The following DIAPH2 variants were observed in gnomAD, a reference collection of about 807,000 sequenced individuals.
DIAPH2 encodes protein diaphanous homolog 2.
Under a neutral mutation model 92.7 loss-of-function variants are expected in DIAPH2, and 35 were observed. The ratio of observed to expected loss-of-function variants is 0.38; its 90% CI spans 0.29 to 0.50. The LOEUF (loss-of-function observed/expected upper bound fraction) is 0.50, where lower values mean the gene tolerates loss of function less well. DIAPH2 is among the 20% of genes least tolerant of loss of function. The pLI is 0.94. For missense variants in DIAPH2, 701 were observed against 819.5 expected, an observed-to-expected ratio of 0.86 and a Z score of 1.77; for synonymous variants, 301 against 280.4, an observed-to-expected ratio of 1.07 and a Z score of -0.73.
chrX:96,712,022 C>T (rs759315348), intron 1 of DIAPH2, among the ~76,000 whole-genome samples: 84 of 111,402 alleles, frequency 7.5e-4, no homozygotes, highest in Non-Finnish European at 1.3e-3. Flanking sequence ...TTGAACTGTA[C>T]TAAATAAGCA....
chrX:96,813,712 A>G (rs758010073), intron 4 of DIAPH2, among the ~76,000 whole-genome samples: 3 of 111,751 alleles, frequency 2.7e-5, no homozygotes, highest in Non-Finnish European at 5.6e-5. Context: ...CTTGTAAGGC[A>G]GGCCTGGTGG....
chrX:97,105,901 AT>A (rs998402355), intron 20 of DIAPH2, among the ~76,000 whole-genome samples: 7 of 111,624 alleles, frequency 6.3e-5, no homozygotes, highest in Non-Finnish European at 1.1e-4. Flanking sequence ...GCACATTTAA[AT>A]TTTTTTTACA....
At chrX:97,554,151 C>T (rs1489520152) in intron 26 of DIAPH2, among the ~76,000 whole-genome samples, 1 of 111,516 alleles carries the variant, frequency 9.0e-6, no homozygotes, top group African/African-American at 3.3e-5. Flanking sequence ...GCTAGAACAG[C>T]AAAGTCAGCC....
At chrX:96,771,616 G>A (rs759495553) in intron 4 of DIAPH2, among the ~76,000 whole-genome samples, 2 of 111,456 alleles carry the variant, frequency 1.8e-5, no homozygotes, top group Non-Finnish European at 3.8e-5. Flanking sequence ...AAAATTTGCT[G>A]TTGCCATTAT....
chrX:97,297,075 CCTTTTTTTTTTTTTTTT>C (rs1210596572), intron 23 of DIAPH2, among the ~76,000 whole-genome samples: 3 of 75,131 alleles, frequency 4.0e-5, no homozygotes, highest in Non-Finnish European at 7.1e-5. Flanking sequence ...CCAGGCCTGG[CCTTTTTTTTTTTTTTTT>C]TTTTTTTTTT....
In DIAPH2 at chrX:97,119,187, T is replaced by G. The variant is rs145046167; in HGVS notation, c.2589+4222T>G. On this transcript the variant is annotated intron_variant, in intron 21 of 26. Coordinates refer to ENST00000324765, the MANE Select transcript of DIAPH2 (RefSeq NM_006729.5). Reference sequence around the variant, plus strand: ...GGTTCCTTCTCATTTGGGTAGGCTCTGTCAGAGGGAAAATCTAGGGCTGAA... The same window carrying G: ...GGTTCCTTCTCATTTGGGTAGGCTCGGTCAGAGGGAAAATCTAGGGCTGAA... Among the ~76,000 whole-genome samples, 380 of 111,228 alleles carry G rather than the reference T, an allele frequency of 3.4e-3. 1 individual carries two copies. Among genetic ancestry groups the G allele is most frequent in the African/African-American group, 0.012 (370 of 30,518 alleles).
At chrX:96,931,929 T>C (rs2065622083) in intron 10 of DIAPH2, among the ~76,000 whole-genome samples, 1 of 111,416 alleles carries the variant, frequency 9.0e-6, no homozygotes, top group South Asian at 3.8e-4. Flanking sequence ...AACCAAGGCA[T>C]TGGTTGCAGA....
chrX:97,438,127 A>C (rs1490162969), intron 26 of DIAPH2, among the ~76,000 whole-genome samples: 1 of 107,043 alleles, frequency 9.3e-6, no homozygotes, highest in Non-Finnish European at 1.9e-5. Flanking sequence ...TCTTTAAAAA[A>C]AAAAAAAAAG....
In DIAPH2 at chrX:97,368,968, C is replaced by T. The variant is rs751341983; in HGVS notation, c.3010-14941C>T. Among the ~76,000 whole-genome samples the T allele has an allele frequency of 1.7e-3, 147 of 85,937 alleles. 1 individual carries two copies. The highest frequency in any genetic ancestry group is 8.2e-3 in the South Asian group (11 of 1,349). The allele number at this position is 85,937 out of a possible 115,157, so 74.6% of individuals were successfully genotyped here. On this transcript the variant is annotated intron_variant, in intron 24 of 26. Transcript: ENST00000324765. Reference sequence around the variant, plus strand: ...TTGCCCAGACTGGAGTGCAATGGCACGATCTTGGCTCACTGCACAACCTCC... The same window carrying T: ...TTGCCCAGACTGGAGTGCAATGGCATGATCTTGGCTCACTGCACAACCTCC...
intron 25 of DIAPH2, among the ~76,000 whole-genome samples, chrX:97,403,069 C>A (rs895701391): frequency 8.9e-6 from 1 of 111,772 alleles, no homozygotes; most frequent in African/African-American, 3.3e-5. Context: ...GTGTGAGGCC[C>A]TTCTGAGAGC....
intron 17 of DIAPH2, among the ~76,000 whole-genome samples, chrX:97,057,697 G>A (rs2066567083): frequency 8.9e-6 from 1 of 112,039 alleles, no homozygotes; most frequent in African/African-American, 3.2e-5. Flanking sequence ...ATCCTCATTA[G>A]CAGTTTGTTA....
chrX:97,059,158 A>C (rs2066579062), intron 17 of DIAPH2, among the ~76,000 whole-genome samples: 1 of 111,932 alleles, frequency 8.9e-6, no homozygotes, highest in Non-Finnish European at 1.9e-5. Context: ...AAAATCACTT[A>C]AAATTAGAAA....
At chrX:96,963,040 C>T (rs907081886) in intron 16 of DIAPH2, among the ~76,000 whole-genome samples, 2 of 111,913 alleles carry the variant, frequency 1.8e-5, no homozygotes, top group African/African-American at 6.5e-5. Flanking sequence ...TGAATTCCCT[C>T]AGTTTTTGCG....
At chrX:97,317,349 G>T (rs1275346443) in intron 23 of DIAPH2, among the ~76,000 whole-genome samples, 1 of 111,726 alleles carries the variant, frequency 9.0e-6, no homozygotes, top group African/African-American at 3.2e-5. Flanking sequence ...AACGGTGCAA[G>T]GACATTTTTT....
intron 4 of DIAPH2, among the ~76,000 whole-genome samples, chrX:96,818,191 G>A (rs2064753374): frequency 9.8e-6 from 1 of 102,439 alleles, no homozygotes; most frequent in Non-Finnish European, 2.0e-5. Flanking sequence ...GTGTTGGCCG[G>A]GATGGTCACG....
In DIAPH2 at chrX:97,600,126, T is replaced by C. The variant is rs2071584000; in HGVS notation, c.*809T>C. The C allele has an allele frequency of 8.9e-6, 1 of 112,410 alleles. No individual in the cohort carries two copies. The highest frequency in any genetic ancestry group is 1.9e-5 in the Non-Finnish European group (1 of 53,032). 9.3% of individuals were successfully genotyped at this position (112,410 alleles called of 1,213,427 possible). A position where few individuals can be genotyped will look rare whatever the true frequency, so the allele number is the denominator to read the frequency against. ...CTATTTTTGAGAAAACCCTCACATT[T>C]TAATGTTTATGCTAGGGATGAACCT... On this transcript the variant is annotated 3_prime_UTR_variant, in exon 27 of 27. Transcript: ENST00000324765.
chrX:97,522,626 A>G (rs2070998646), intron 26 of DIAPH2, among the ~76,000 whole-genome samples: 3 of 113,136 alleles, frequency 2.7e-5, no homozygotes. Context: ...AGGCAAAACT[A>G]GGAACTGCAT....
intron 22 of DIAPH2, among the ~76,000 whole-genome samples, chrX:97,217,403 C>T (rs970627963): frequency 1.8e-5 from 2 of 111,308 alleles, no homozygotes; most frequent in Admixed American, 1.9e-4. Context: ...TGCCTCTGTT[C>T]CCCAGTTTTT....
chrX:97,584,300 A>G (rs1175793723), intron 26 of DIAPH2, among the ~76,000 whole-genome samples: 2 of 112,431 alleles, frequency 1.8e-5, no homozygotes, highest in African/African-American at 6.5e-5. Flanking sequence ...GTGTAGTAAA[A>G]GGGATCTGTG....
Sources: gnomAD v4.1 joint callset for allele counts (sites outside exome capture counted in the v4.1 genomes callset) on GRCh38, gnomAD v4.1.1 for gene constraint, MANE v1.5 for transcripts, NCBI Gene and HGNC (gene_info 2026-07-23, HGNC 2026-07-21) for gene names.